Variants in RASSF1 observed in about 807,000 individuals in gnomAD.
RASSF1 encodes the protein ras association domain-containing protein 1.
Under a neutral mutation model 34.3 loss-of-function variants are expected in RASSF1, and 33 were observed. That is an observed-to-expected ratio of 0.96 (90% confidence interval 0.73 to 1.29). RASSF1 has a LOEUF of 1.29. RASSF1 is among the 50% of genes most tolerant of loss of function. The pLI is 0.00. For synonymous variants in RASSF1, 191 were observed against 195.0 expected (o/e 0.98, Z 0.17); for missense variants, 445 against 471.8 (o/e 0.94, Z 0.53).
At chr3:50,338,211 C>T in intron 1 of RASSF1, 200 bp from the exon 2 acceptor site, 3 of 1,407,536 alleles carry the variant, frequency 2.1e-6, no homozygotes, top group Middle Eastern at 2.7e-4. Context: ...AGGCCACAGG[C>T]AGAGAGGCCT....
At position 50,332,110 on chromosome 3, in the gene RASSF1, C is replaced by T. The variant is rs200071584; in HGVS notation, c.402G>A (p.Glu134=). Residue 134 remains glutamate (E), a synonymous_variant, in exon 3 of 6, where the codon GAG becomes GAA. Transcript: ENST00000359365. ...TGTACTCCTTGATCTTCTGCTCAATCTCAGCTTGAGAAAGGTCAGGTGTCT... is the reference window on the plus strand; with the variant it reads ...TGTACTCCTTGATCTTCTGCTCAATTTCAGCTTGAGAAAGGTCAGGTGTCT... The part of the protein sequence containing the change: ...EWETPDLSQA[E]IEQKIKEYNA... 100 of 1,614,204 alleles carry T rather than the reference C, an allele frequency of 6.2e-5. 1 individual carries two copies. Among genetic ancestry groups the T allele is most frequent in the Admixed American group, 2.0e-4 (12 of 60,022 alleles).
chr3:50,330,675 C>T lies in RASSF1; in HGVS notation c.929G>A (p.Arg310Gln), dbSNP rs142957899. 1.4e-5 allele frequency: 22 copies of T among 1,613,936 alleles called. No homozygotes were observed. The highest frequency in any genetic ancestry group is 2.2e-5 in the South Asian group (2 of 91,090). The change falls in exon 6 of 6, where the codon CGG becomes CAG. Residue 310 changes from arginine to glutamine, a missense_variant. Arg to Gln is a conservative substitution (Grantham distance 43, BLOSUM62 1). Transcript: ENST00000359365. The surrounding 1 kb of genome is among the most constrained non-coding windows in gnomAD (Gnocchi z 4.5). Reference sequence around the variant, plus strand: ...CTGGCGGAGGTGCTCCTCCTCCTCCCGCTGCAGGATACGTAGGAAGTTATG... The same window carrying T: ...CTGGCGGAGGTGCTCCTCCTCCTCCTGCTGCAGGATACGTAGGAAGTTATG... ...ELHNFLRILQ[R>Q]EEEEHLRQIL...
In RASSF1 at chr3:50,340,667, C is replaced by T; in HGVS notation, c.139G>A (p.Val47Ile). 1.3e-6 allele frequency: 2 copies of T among 1,532,988 alleles called. No homozygotes were observed. The highest frequency in any genetic ancestry group is 2.4e-5 in the South Asian group (2 of 83,936). The allele number at this position is 1,532,988 out of a possible 1,614,324, so 95.0% of individuals were successfully genotyped here. Residue 47 changes from valine (V) to isoleucine (I), a missense_variant, in exon 1 of 6, where the codon GTC (valine) becomes ATC (isoleucine). Transcript: ENST00000359365. ...TGGAAGCGGTGGCCACGGCCAGGGA[C>T]CAGCTGCCGTGTGGGGTTGCACGCG... ...GTACNPTRQL[V>I]PGRGHRFQPA...
intron 1 of RASSF1, 38 bp from the exon 2 acceptor site, chr3:50,338,049 G>C (rs886753034): frequency 5.2e-6 from 8 of 1,548,576 alleles, no homozygotes; most frequent in Non-Finnish European, 7.0e-6. Context: ...AGGAGCTCCA[G>C]GTCGGGGAAA....
chr3:50,337,768 A>C (rs1431541562), intron 2 of RASSF1, 137 bp downstream of exon 2: 13 of 1,001,100 alleles, frequency 1.3e-5, no homozygotes, highest in Non-Finnish European at 1.3e-5. Flanking sequence ...CCCCGCGCAG[A>C]ATTAGCCTCT....
chr3:50,336,981 C>T, intron 2 of RASSF1: 1 of 806,824 alleles, frequency 1.2e-6, no homozygotes, highest in Non-Finnish European at 1.9e-6. Flanking sequence ...GGCCCCGGCA[C>T]CCAGCATCTA....
chr3:50,338,985 GT>G (rs1703265607), intron 1 of RASSF1, among the ~76,000 whole-genome samples: 5 of 152,318 alleles, frequency 3.3e-5, no homozygotes, highest in Middle Eastern at 6.8e-3. Flanking sequence ...TCACGATGAA[GT>G]CTGGGCTCAG....
Position 50,331,598 on chromosome 3 carries a change from T to C in RASSF1, c.721A>G (p.Lys241Glu). ...RKFLVVDDPR[K>E]FALFERAERH... ...TCAGCGCGCTCAAAGAGTGCAAACT[T>C]GCGGGGGTCATCCACCACCAAGAAC... The change falls in exon 4 of 6, where the codon AAG becomes GAG. Residue 241 changes from lysine to glutamate, a missense_variant. Physicochemically the swap from Lys to Glu is moderately conservative, Grantham distance 56 (BLOSUM62 1). Coordinates refer to ENST00000359365, the MANE Select transcript of RASSF1 (RefSeq NM_007182.5). 6 of 1,602,596 alleles carry C rather than the reference T, an allele frequency of 3.7e-6. No homozygotes were observed. The highest frequency in any genetic ancestry group is 5.1e-6 in the Non-Finnish European group (6 of 1,170,552).
At chr3:50,334,713 A>AGCC (rs1423350982) in intron 2 of RASSF1, among the ~76,000 whole-genome samples, 2 of 152,178 alleles carry the variant, frequency 1.3e-5, no homozygotes, top group African/African-American at 4.8e-5. Flanking sequence ...CCTCATTTCC[A>AGCC]GCCCCTTCCC....
intron 2 of RASSF1, chr3:50,337,456 G>A (rs1188996294): frequency 2.6e-6 from 4 of 1,567,922 alleles, no homozygotes; most frequent in Non-Finnish European, 3.4e-6. Context: ...AGACTGAAAC[G>A]TAGATCGCCG....
At chr3:50,331,951 C>A in intron 3 of RASSF1, 95 bp from the exon 4 acceptor site, 1 of 1,554,474 alleles carries the variant, frequency 6.4e-7, no homozygotes. Context: ...TTACTGCTTG[C>A]GCCCACCCAA....
rs367633265 is a variant in RASSF1, at chr3:50,331,571, G to T, written c.748C>A (p.Arg250Ser). The T allele has an allele frequency of 6.3e-7, 1 of 1,591,802 alleles. No homozygotes were observed. The highest frequency in any genetic ancestry group is 8.6e-7 in the Non-Finnish European group (1 of 1,162,372). Residue 250 changes from arginine to serine, a missense_variant, in exon 4 of 6, where the codon CGT becomes AGT. Arg to Ser is a moderately radical substitution (Grantham distance 110). Transcript: ENST00000359365. ...GTGGGAAGCCCACCTTGGCCGTGAC[G>T]CTCAGCGCGCTCAAAGAGTGCAAAC... Reference protein sequence around the residue: ...RKFALFERAERHGQVYLRKLL... With the variant: ...RKFALFERAESHGQVYLRKLL...
intron 2 of RASSF1, chr3:50,337,654 G>A: frequency 2.2e-6 from 2 of 905,672 alleles, no homozygotes; most frequent in Non-Finnish European, 1.6e-6. Flanking sequence ...GGGCGGGAAG[G>A]TGCGGGAAGT....
At chr3:50,337,237 T>C (rs1703174362) in intron 2 of RASSF1, 1 of 1,613,078 alleles carries the variant, frequency 6.2e-7, no homozygotes, top group Non-Finnish European at 8.5e-7. Flanking sequence ...GAGCTCCGAG[T>C]CCGAGTCCTC....
At chr3:50,338,226 A>C in intron 1 of RASSF1, 1 of 1,387,206 alleles carries the variant, frequency 7.2e-7, no homozygotes, top group Non-Finnish European at 9.3e-7. Flanking sequence ...AGGCCTGCTC[A>C]ACAGTTGGAT....
chr3:50,337,618 C>T (rs928707590), intron 2 of RASSF1: 2 of 1,102,788 alleles, frequency 1.8e-6, no homozygotes, highest in African/African-American at 1.6e-5. Flanking sequence ...GGCAAGCGCA[C>T]AAGAGTGGCC....
rs191374847 is a variant in RASSF1, at chr3:50,333,643, C to T, written c.358-1489G>A. Among the ~76,000 whole-genome samples, 4 of 152,184 alleles carry T rather than the reference C, an allele frequency of 2.6e-5. No individual in the cohort carries two copies. In the East Asian group the frequency reaches 7.7e-4, roughly 29 times the overall value. On this transcript the variant is annotated intron_variant, in intron 2 of 5. Transcript: ENST00000359365. ...AGGCGCGTGCCACAACAACACCCGG[C>T]TAATTTTTGTATTTTTAGTAGAGAT...
chr3:50,337,924 A>G lies in RASSF1; in HGVS notation c.338T>C (p.Val113Ala), dbSNP rs773071415. Residue 113 changes from valine to alanine, a missense_variant, in exon 2 of 6, where the codon GTG (valine) becomes GCG (alanine). Coordinates refer to ENST00000359365, the MANE Select transcript of RASSF1 (RefSeq NM_007182.5). ...GPRDLGWEPA[V>A]ERDTNVDEPV... ...GCTCACCACGTTCGTGTCCCGCTCCACCGCGGGTTCCCAGCCCAGGTCCCG... is the reference window on the plus strand; with the variant it reads ...GCTCACCACGTTCGTGTCCCGCTCCGCCGCGGGTTCCCAGCCCAGGTCCCG... 1.2e-6 allele frequency: 2 copies of G among 1,610,970 alleles called. No homozygotes were observed. Among genetic ancestry groups the G allele is most frequent in the African/African-American group, 2.7e-5 (2 of 74,830 alleles).
At chr3:50,337,842 G>T in intron 2 of RASSF1, 63 bp downstream of exon 2, 1 of 1,413,894 alleles carries the variant, frequency 7.1e-7, no homozygotes, top group Non-Finnish European at 9.8e-7. Flanking sequence ...CAGCCCTCGA[G>T]AATGCCTGCA....
Sources: gnomAD v4.1 joint callset for allele counts (sites outside exome capture counted in the v4.1 genomes callset) on GRCh38, gnomAD v4.1.1 for gene constraint, Gnocchi (gnomAD v3.1) non-coding constraint, MANE v1.5 for transcripts, NCBI Gene and HGNC (gene_info 2026-07-23, HGNC 2026-07-21) for gene names.